The following CACNA1E variants were observed in gnomAD, a reference collection of about 807,000 sequenced individuals.
CACNA1E encodes voltage-dependent R-type calcium channel subunit alpha-1E.
CACNA1E carries 40 observed loss-of-function variants against 259.2 expected under a neutral mutation model. That is an observed-to-expected ratio of 0.15 (90% CI 0.12 to 0.20). CACNA1E has a LOEUF of 0.20. Among genes scored for constraint, CACNA1E ranks in the 10% least tolerant of loss-of-function variants. The pLI is 1.00. For synonymous variants in CACNA1E, 1,104 were observed against 1,138.5 expected, an observed-to-expected ratio of 0.97 and a Z score of 0.61; for missense variants, 1,874 against 3,040.1, an observed-to-expected ratio of 0.62 and a Z score of 9.02.
intron 2 of CACNA1E, among the ~76,000 whole-genome samples, chr1:181,438,676 G>A: frequency 6.6e-6 from 1 of 152,124 alleles, no homozygotes; most frequent in East Asian, 1.9e-4. Flanking sequence ...TCAGAAAGGT[G>A]GATCATACCA....
upstream of CACNA1E, among the ~76,000 whole-genome samples, chr1:181,481,302 C>A (rs1345652065): frequency 4.6e-5 from 7 of 151,700 alleles, no homozygotes; most frequent in Admixed American, 4.6e-4. Flanking sequence ...CATGTTGAGA[C>A]CATTCCTTTG....
chr1:181,633,627 G>C lies in CACNA1E; in HGVS notation c.952-17711G>C, dbSNP rs187130030. Among the ~76,000 whole-genome samples, 87 of 152,158 alleles carry C rather than the reference G, an allele frequency of 5.7e-4. 1 individual carries two copies. Among genetic ancestry groups the C allele is most frequent in the Non-Finnish European group, 1.2e-4 (8 of 68,014 alleles). The stretch of plus-strand genomic sequence containing the variant: ...ATGCTTTAGCCTCCTGAGTAGCTGG[G>C]AATATAGGCGCCTGCCACCACGCCC... On this transcript the variant is annotated intron_variant, in intron 6 of 47. Coordinates refer to ENST00000367573, the MANE Select transcript of CACNA1E (RefSeq NM_001205293.3).
At chr1:181,399,216 GT>G (rs563079552) in intron 1 of CACNA1E, among the ~76,000 whole-genome samples, 199 of 138,690 alleles carry the variant, frequency 1.4e-3, no homozygotes, top group Middle Eastern at 3.9e-3. Context: ...AGTTTAGAGA[GT>G]TTTTTTTTTT....
At chr1:181,653,767 T>A (rs1251937044) in intron 7 of CACNA1E, among the ~76,000 whole-genome samples, 2 of 152,250 alleles carry the variant, frequency 1.3e-5, no homozygotes, top group Non-Finnish European at 2.9e-5. Context: ...GATCTCTTAT[T>A]TGAACATCCT....
chr1:181,788,264 G>T (rs1187505423), intron 43 of CACNA1E, among the ~76,000 whole-genome samples: 1 of 152,094 alleles, frequency 6.6e-6, no homozygotes, highest in African/African-American at 2.4e-5. Flanking sequence ...GGTGCATGTT[G>T]GTACATTTCC....
chr1:181,439,850 G>A (rs1255631062), intron 2 of CACNA1E, among the ~76,000 whole-genome samples: 1 of 152,090 alleles, frequency 6.6e-6, no homozygotes, highest in Middle Eastern at 3.2e-3. Context: ...AGTACCTTTC[G>A]GAAGTGCTTT....
intron 6 of CACNA1E, among the ~76,000 whole-genome samples, chr1:181,642,101 T>C (rs1196594436): frequency 6.6e-6 from 1 of 152,158 alleles, no homozygotes; most frequent in Non-Finnish European, 1.5e-5. Flanking sequence ...ACAGAAGAAC[T>C]GTGCAGAGTT....
intron 7 of CACNA1E, among the ~76,000 whole-genome samples, chr1:181,659,641 C>A (rs561086796): frequency 6.6e-6 from 1 of 152,280 alleles, no homozygotes; most frequent in African/African-American, 2.4e-5. Context: ...ACAGTCAGAC[C>A]AGAGACTGCT....
In CACNA1E at chr1:181,799,688, A is replaced by T. The variant is rs1178009418; in HGVS notation, c.*854A>T. 2.6e-5 allele frequency: 4 copies of T among 152,254 alleles called. No individual in the cohort carries two copies. Among genetic ancestry groups the T allele is most frequent in the African/African-American group, 9.6e-5 (4 of 41,456 alleles). The allele number at this position is 152,254 out of a possible 1,614,324, so 9.4% of individuals were successfully genotyped here. On this transcript the variant is annotated 3_prime_UTR_variant, in exon 48 of 48. Transcript: ENST00000367573. Reference sequence around the variant, plus strand: ...TTAACAACCGCTATGGCATCAATGTAAGTGGAGTTTGGTCCTAGTGCCGGA... The same window carrying T: ...TTAACAACCGCTATGGCATCAATGTTAGTGGAGTTTGGTCCTAGTGCCGGA...
rs560460072 is a variant in CACNA1E, at chr1:181,395,072, T to C, written c.-14-18061T>C. On this transcript the variant is annotated intron_variant, in intron 1 of 11. Coordinates refer to the CACNA1E transcript ENST00000524607. ...ATTGGTTACTGTGTTCAGAATAGAC[T>C]GTAGAGGGGTAAGGGTGGAAATAGG... is the stretch of plus-strand genomic sequence containing the variant. 1.3e-3 allele frequency among the ~76,000 whole-genome samples: 203 copies of C among 152,252 alleles called. 1 individual carries two copies. Among genetic ancestry groups the C allele is most frequent in the Non-Finnish European group, 2.6e-3 (179 of 68,010 alleles).
chr1:181,769,676 G>A (rs1659333188), intron 35 of CACNA1E, among the ~76,000 whole-genome samples: 1 of 152,180 alleles, frequency 6.6e-6, no homozygotes, highest in African/African-American at 2.4e-5. Flanking sequence ...TCTGCAGTTA[G>A]TTTGTGATTG....
intron 1 of CACNA1E, among the ~76,000 whole-genome samples, chr1:181,332,481 A>G (rs1162115824): frequency 6.6e-6 from 1 of 152,234 alleles, no homozygotes; most frequent in African/African-American, 2.4e-5. Flanking sequence ...AGTGTGTATA[A>G]TATCAACTAT....
chr1:181,363,379 T>C (rs960853543), intron 1 of CACNA1E, among the ~76,000 whole-genome samples: 6 of 152,330 alleles, frequency 3.9e-5, no homozygotes, highest in African/African-American at 1.4e-4. Flanking sequence ...AAGTAGAGAA[T>C]CCATGTTTGA....
intron 2 of CACNA1E, among the ~76,000 whole-genome samples, chr1:181,452,674 G>C (rs917113099): frequency 6.6e-5 from 10 of 152,172 alleles, no homozygotes; most frequent in African/African-American, 2.4e-4. Flanking sequence ...TGTCTTCAAG[G>C]CTATCTCTAG....
chr1:181,663,584 C>A (rs1462174706), intron 7 of CACNA1E, among the ~76,000 whole-genome samples: 3 of 152,144 alleles, frequency 2.0e-5, no homozygotes, highest in Non-Finnish European at 4.4e-5. Context: ...GAATGCCATG[C>A]CCCCCTATGA....
At chr1:181,502,229 C>T (rs1665312414) in intron 1 of CACNA1E, among the ~76,000 whole-genome samples, 1 of 152,168 alleles carries the variant, frequency 6.6e-6, no homozygotes, top group Admixed American at 6.5e-5. Flanking sequence ...TTCTGTTGAT[C>T]AGCCCAGAAC....
intron 6 of CACNA1E, among the ~76,000 whole-genome samples, chr1:181,634,573 C>T (rs1018039260): frequency 1.1e-4 from 17 of 152,218 alleles, no homozygotes; most frequent in Non-Finnish European, 2.1e-4. Context: ...TTATTTCCAT[C>T]GAACATGTAG....
At chr1:181,490,261 A>C (rs1292790431) in intron 1 of CACNA1E, among the ~76,000 whole-genome samples, 1 of 152,186 alleles carries the variant, frequency 6.6e-6, no homozygotes, top group African/African-American at 2.4e-5. Context: ...CGGTTATCCA[A>C]GAGATCCTCC....
At chr1:181,441,475 G>C (rs1386567928) in intron 2 of CACNA1E, among the ~76,000 whole-genome samples, 1 of 152,010 alleles carries the variant, frequency 6.6e-6, no homozygotes, top group African/African-American at 2.4e-5. Flanking sequence ...AACATTTGTT[G>C]ATGCCAAGAA....
Sources: gnomAD v4.1 joint callset for allele counts (sites outside exome capture counted in the v4.1 genomes callset) on GRCh38, gnomAD v4.1.1 for gene constraint, MANE v1.5 for transcripts, NCBI Gene and HGNC (gene_info 2026-07-23, HGNC 2026-07-21) for gene names.